FYN: variants seen among roughly 807,000 people sequenced by gnomAD.
FYN encodes tyrosine-protein kinase Fyn.
A neutral mutation model predicts 70.2 loss-of-function variants in FYN; 10 were observed. The observed-to-expected ratio is 0.14, with a 90% CI of 0.09 to 0.24. FYN has a LOEUF of 0.24. FYN is among the 10% of genes least tolerant of loss of function. The pLI, the probability that FYN is intolerant of heterozygous loss-of-function variation, is 1.00. For missense variants in FYN, 319 were observed against 673.1 expected, an observed-to-expected ratio of 0.47 and a Z score of 5.82; for synonymous variants, 236 against 248.6, an observed-to-expected ratio of 0.95 and a Z score of 0.48.
intron 2 of FYN, among the ~76,000 whole-genome samples, chr6:111,784,280 C>T (rs1178190021): frequency 6.6e-6 from 1 of 152,126 alleles, no homozygotes; most frequent in Non-Finnish European, 1.5e-5. Context: ...TTTAGGACTC[C>T]TTGACTTGGG....
chr6:111,828,364 T>A (rs1456894802), intron 2 of FYN, among the ~76,000 whole-genome samples: 1 of 152,126 alleles, frequency 6.6e-6, no homozygotes, highest in Non-Finnish European at 1.5e-5. Flanking sequence ...CCTTAAAAAA[T>A]TAAAAATAAA....
chr6:111,841,749 T>A (rs1305470301), intron 2 of FYN, among the ~76,000 whole-genome samples: 1 of 152,074 alleles, frequency 6.6e-6, no homozygotes, highest in Non-Finnish European at 1.5e-5. Context: ...ATCAATATCC[T>A]CCTAAATTTA....
At chr6:111,846,530 C>A in intron 2 of FYN, 59 bp downstream of exon 2, 1 of 398,906 alleles carries the variant, frequency 2.5e-6, no homozygotes. Flanking sequence ...TAGGTTCCAA[C>A]AGGAAGCCCT....
intron 2 of FYN, among the ~76,000 whole-genome samples, chr6:111,815,849 A>T (rs1187307288): frequency 4.0e-5 from 6 of 151,850 alleles, no homozygotes; most frequent in Admixed American, 3.9e-4. Context: ...CACAGCTGAG[A>T]CTACAGGTAT....
chr6:111,769,787 A>G (rs969191224), intron 3 of FYN, among the ~76,000 whole-genome samples: 8 of 152,216 alleles, frequency 5.3e-5, no homozygotes, highest in African/African-American at 1.9e-4. Flanking sequence ...TTCTAAGAGA[A>G]AGAAAATTAT....
chr6:111,711,517 T>C (rs1800377301), intron 5 of FYN, among the ~76,000 whole-genome samples: 1 of 152,246 alleles, frequency 6.6e-6, no homozygotes. Flanking sequence ...CCTTGCTGGG[T>C]AGCAGGAACA....
At chr6:111,794,881 C>A (rs1160306347) in intron 2 of FYN, among the ~76,000 whole-genome samples, 1 of 152,168 alleles carries the variant, frequency 6.6e-6, no homozygotes, top group Non-Finnish European at 1.5e-5. Context: ...GAAGGATGTC[C>A]ACTCTGATTC....
chr6:111,678,542 CT>C (rs1377654370), intron 12 of FYN, among the ~76,000 whole-genome samples: 2 of 152,202 alleles, frequency 1.3e-5, no homozygotes, highest in Admixed American at 6.5e-5. Flanking sequence ...CAATGACTAT[CT>C]TGACCCCAAT....
At chr6:111,681,368 C>T (rs371556314) in intron 12 of FYN, among the ~76,000 whole-genome samples, 1 of 152,180 alleles carries the variant, frequency 6.6e-6, no homozygotes, top group Non-Finnish European at 1.5e-5. Flanking sequence ...GCTATGTTGC[C>T]CAGGCTAGTC....
intron 3 of FYN, among the ~76,000 whole-genome samples, chr6:111,755,819 T>C (rs1802706123): frequency 6.6e-6 from 1 of 152,176 alleles, no homozygotes; most frequent in South Asian, 2.1e-4. Context: ...AACATTCTTA[T>C]AACTGAGTGA....
chr6:111,822,126 C>T (rs748600739), intron 2 of FYN, among the ~76,000 whole-genome samples: 1 of 152,206 alleles, frequency 6.6e-6, no homozygotes, highest in Non-Finnish European at 1.5e-5. Context: ...CATCCCATTA[C>T]TGGGTATATA....
At chr6:111,727,624 C>A (rs1445599511) in intron 3 of FYN, among the ~76,000 whole-genome samples, 1 of 152,088 alleles carries the variant, frequency 6.6e-6, no homozygotes, top group African/African-American at 2.4e-5. Flanking sequence ...GAGAACAGAG[C>A]CTACTTAAAA....
At chr6:111,707,072 T>C (rs1033640716) in intron 6 of FYN, among the ~76,000 whole-genome samples, 1 of 152,220 alleles carries the variant, frequency 6.6e-6, no homozygotes, top group Non-Finnish European at 1.5e-5. Context: ...TGAAATTAAA[T>C]AGCAGAGCCA....
At chr6:111,802,248 C>A (rs1319025380) in intron 2 of FYN, among the ~76,000 whole-genome samples, 1 of 151,154 alleles carries the variant, frequency 6.6e-6, no homozygotes, top group East Asian at 1.9e-4. Flanking sequence ...TCCCACTTCC[C>A]CCTCTCCTCT....
intron 1 of FYN, among the ~76,000 whole-genome samples, chr6:111,869,215 C>G (rs1449406153): frequency 6.6e-6 from 1 of 152,226 alleles, no homozygotes; most frequent in Non-Finnish European, 1.5e-5. Flanking sequence ...GTGGAATATG[C>G]AAGACTCACA....
intron 3 of FYN, among the ~76,000 whole-genome samples, chr6:111,732,769 G>T (rs976809531): frequency 1.3e-5 from 2 of 152,220 alleles, no homozygotes; most frequent in African/African-American, 4.8e-5. Flanking sequence ...GGGCTGGGAA[G>T]TGGGTGTGGT....
chr6:111,777,698 T>C (rs1341740917), intron 3 of FYN, among the ~76,000 whole-genome samples: 2 of 152,214 alleles, frequency 1.3e-5, no homozygotes, highest in African/African-American at 2.4e-5. Flanking sequence ...TATCATTCCT[T>C]GGCATGGCCA....
chr6:111,832,301 G>C (rs964693456), intron 2 of FYN, among the ~76,000 whole-genome samples: 1 of 152,144 alleles, frequency 6.6e-6, no homozygotes, highest in African/African-American at 2.4e-5. Flanking sequence ...TGTTACTACT[G>C]CAAACAGAAT....
chr6:111,811,967 G>A (rs1052785591), intron 2 of FYN, among the ~76,000 whole-genome samples: 4 of 152,136 alleles, frequency 2.6e-5, no homozygotes, highest in Admixed American at 2.0e-4. Flanking sequence ...AGAAACAAAT[G>A]TACTGGCTCC....
Sources: gnomAD v4.1 joint callset for allele counts (sites outside exome capture counted in the v4.1 genomes callset) on GRCh38, gnomAD v4.1.1 for gene constraint, MANE v1.5 for transcripts, NCBI Gene and HGNC (gene_info 2026-07-23, HGNC 2026-07-21) for gene names.